The following CTSZ variants were observed in gnomAD, a reference collection of about 807,000 sequenced individuals.
The protein encoded by CTSZ is cathepsin Z.
A neutral mutation model predicts 32.4 loss-of-function variants in CTSZ; 39 were observed. The ratio of observed to expected loss-of-function variants is 1.20; its 90% CI spans 0.93 to 1.57. The LOEUF is 1.57. Ranked by LOEUF, CTSZ falls within the 40% of genes most tolerant of loss-of-function variation. The pLI is 0.00. For missense variants in CTSZ, 397 were observed against 419.6 expected (o/e 0.95, Z 0.47); for synonymous variants, 168 against 170.1 (o/e 0.99, Z 0.10).
At chr20:59,006,097 G>C (rs1358805668) in intron 2 of CTSZ, 1 of 545,380 alleles carries the variant, frequency 1.8e-6, no homozygotes, top group East Asian at 3.0e-5. Flanking sequence ...CTTGTCACTG[G>C]GATTCAGTCC....
chr20:58,995,555 T>C lies in CTSZ; in HGVS notation c.*94A>G, dbSNP rs552511082. 3.4e-4 allele frequency: 399 copies of C among 1,163,902 alleles called. No homozygotes were observed. The highest frequency in any genetic ancestry group is 4.3e-4 in the South Asian group (32 of 75,006). 72.1% of individuals were successfully genotyped at this position (1,163,902 alleles called of 1,614,324 possible). On this transcript the variant is annotated 3_prime_UTR_variant, in exon 6 of 6. Coordinates refer to ENST00000217131, the MANE Select transcript of CTSZ (RefSeq NM_001336.4). Reference sequence around the variant, plus strand: ...ATCCAATATTGATAGCCACCCCAGTTCCTGCCAGCCAGCCTGGCACACATA... The same window carrying C: ...ATCCAATATTGATAGCCACCCCAGTCCCTGCCAGCCAGCCTGGCACACATA...
chr20:59,005,654 G>C (rs1355710211), intron 2 of CTSZ, among the ~76,000 whole-genome samples: 2 of 152,184 alleles, frequency 1.3e-5, no homozygotes. Context: ...GGAAATCCAG[G>C]CTCCTGGACC....
intron 3 of CTSZ, among the ~76,000 whole-genome samples, chr20:59,001,195 G>A (rs953385734): frequency 6.6e-6 from 1 of 152,202 alleles, no homozygotes; most frequent in Non-Finnish European, 1.5e-5. Flanking sequence ...AGGGACTACG[G>A]GGTCCAGTTT....
rs1568684095 is a variant in CTSZ, at chr20:59,004,764, A to G, written c.307+1558T>C. On this transcript the variant is annotated intron_variant, in intron 2 of 5. Transcript: ENST00000217131. This position sits in a 1 kb window ranked among gnomAD's most constrained non-coding sequence, Gnocchi z 5.6. ...TCTGGTGGCTTCTATTCCTCAGTGA[A>G]AGAGGAAGCGAGTGCCTGGGCCTGG... Among the ~76,000 whole-genome samples, 1 of 151,990 alleles carries G rather than the reference A, an allele frequency of 6.6e-6. No individual in the cohort carries two copies. Among genetic ancestry groups the G allele is most frequent in the Non-Finnish European group, 1.5e-5 (1 of 67,986 alleles).
chr20:59,005,578 G>A (rs2091905795), intron 2 of CTSZ, among the ~76,000 whole-genome samples: 1 of 152,220 alleles, frequency 6.6e-6, no homozygotes, highest in South Asian at 2.1e-4. Context: ...CAAGGCCAGG[G>A]AAGAGGCAAC....
intron 3 of CTSZ, 151 bp downstream of exon 3, chr20:59,001,314 C>T (rs2091887960): frequency 6.9e-6 from 6 of 871,282 alleles, no homozygotes; most frequent in Non-Finnish European, 6.9e-6. Context: ...CACCAGCGCC[C>T]CTGGGGGCTG....
At chr20:58,999,792 G>A (rs538435876) in intron 3 of CTSZ, among the ~76,000 whole-genome samples, 93 of 152,328 alleles carry the variant, frequency 6.1e-4, no homozygotes, top group Non-Finnish European at 9.1e-4. Flanking sequence ...AGTTATGGCC[G>A]GGCACGGTGG....
intron 4 of CTSZ, 67 bp downstream of exon 4, chr20:58,997,535 AC>A (rs2091866893): frequency 1.8e-5 from 26 of 1,432,558 alleles, no homozygotes; most frequent in Non-Finnish European, 2.4e-5. Flanking sequence ...CACCCGCGGG[AC>A]CTTTCCTCAC....
chr20:59,003,425 C>T (rs994934210), intron 2 of CTSZ, among the ~76,000 whole-genome samples: 6 of 152,232 alleles, frequency 3.9e-5, no homozygotes, highest in Admixed American at 6.5e-5. Context: ...ACACTGTGGG[C>T]TAACACAAGT....
Position 59,007,001 on chromosome 20 carries a change from G to A in CTSZ, c.128C>T (p.Ala43Val). 2 of 1,468,530 alleles carry A rather than the reference G, an allele frequency of 1.4e-6. No individual in the cohort carries two copies. Among genetic ancestry groups the A allele is most frequent in the Middle Eastern group, 2.4e-4 (1 of 4,164 alleles). 91.0% of individuals were successfully genotyped at this position (1,468,530 alleles called of 1,614,324 possible). The part of the protein sequence containing the change: ...CYRPLRGDGL[A>V]PLGRSTYPRP... ...CGGTGCCCACCTGCGCCCCAGCGGA[G>A]CCAGCCCGTCCCCCCGCAGAGGCCG... Residue 43 changes from alanine (A) to valine (V), a missense_variant, in exon 1 of 6, where the codon GCT becomes GTT. Coordinates refer to ENST00000217131, the MANE Select transcript of CTSZ (RefSeq NM_001336.4).
intron 2 of CTSZ, among the ~76,000 whole-genome samples, chr20:59,005,838 C>T (rs2091906753): frequency 6.6e-6 from 1 of 152,188 alleles, no homozygotes. Context: ...AGCCTCCCTA[C>T]CCTACTCCTG....
rs191353752 is a variant in CTSZ at position 58,997,210 on chromosome 20, C to T, written c.638+393G>A. The stretch of plus-strand genomic sequence containing the variant: ...TCTGGTATGACAACAAAGTGTAAAC[C>T]CGACTCAGGTAGTGTATATCTGACG... On this transcript the variant is annotated intron_variant, in intron 4 of 5. Transcript: ENST00000217131. Among the ~76,000 whole-genome samples the T allele has an allele frequency of 3.3e-5, 5 of 151,872 alleles. No homozygotes were observed. The East Asian group carries it at 7.7e-4, about 23-fold the overall frequency.
chr20:58,995,626 A>C lies in CTSZ; in HGVS notation c.*23T>G. ...CATGGGTCACCATGCCTTTTCTTAAACTGCGCTTCTAGTGACATGGCCTTA... is the reference window on the plus strand; with the variant it reads ...CATGGGTCACCATGCCTTTTCTTAACCTGCGCTTCTAGTGACATGGCCTTA... On this transcript the variant is annotated 3_prime_UTR_variant, in exon 6 of 6. Coordinates refer to ENST00000217131, the MANE Select transcript of CTSZ (RefSeq NM_001336.4). The C allele has an allele frequency of 6.2e-7, 1 of 1,607,752 alleles. No homozygotes were observed. Among genetic ancestry groups the C allele is most frequent in the Non-Finnish European group, 8.5e-7 (1 of 1,174,428 alleles).
At chr20:58,999,768 G>A (rs1389736084) in intron 3 of CTSZ, among the ~76,000 whole-genome samples, 1 of 152,156 alleles carries the variant, frequency 6.6e-6, no homozygotes, top group African/African-American at 2.4e-5. Context: ...TGAGTCAGGT[G>A]GCTTAAAACT....
At chr20:59,001,850 CCTT>C (rs1411510334) in intron 2 of CTSZ, among the ~76,000 whole-genome samples, 1 of 152,230 alleles carries the variant, frequency 6.6e-6, no homozygotes, top group African/African-American at 2.4e-5. Flanking sequence ...CCTCTCCTGG[CCTT>C]CTTTGGGCAC....
At position 58,997,628 on chromosome 20, in the gene CTSZ, CT is replaced by C; in HGVS notation, c.612del (p.Glu205LysfsTer12). On this transcript the variant is annotated frameshift_variant, in exon 4 of 6. Transcript: ENST00000217131. LOFTEE classifies it high-confidence loss of function. ...CTGATGGGACCATTTGCATAGATTT[CT>C]GCCATCATCTTCTCCCTCCCAGAGA... Reference protein sequence around the residue: ...GSLSGREKMMAEIYANGPISC... With the variant: ...GSLSGREKMMXEIYANGPISC... 1.9e-6 allele frequency: 3 copies of C among 1,602,244 alleles called. No homozygotes were observed. Among genetic ancestry groups the C allele is most frequent in the Non-Finnish European group, 1.7e-6 (2 of 1,174,236 alleles).
At position 59,002,904 on chromosome 20, in the gene CTSZ, C is replaced by T. The variant is rs975195217; in HGVS notation, c.308-1260G>A. ...TATGCCCCCTCTAAGCAGATCTGCACACCCCAAACTTGCCTTTCTCACAAC... is the reference window on the plus strand; with the variant it reads ...TATGCCCCCTCTAAGCAGATCTGCATACCCCAAACTTGCCTTTCTCACAAC... On this transcript the variant is annotated intron_variant, in intron 2 of 5. Coordinates refer to ENST00000217131, the MANE Select transcript of CTSZ (RefSeq NM_001336.4). This position sits in a 1 kb window ranked among gnomAD's most constrained non-coding sequence, Gnocchi z 4.1. 1.3e-5 allele frequency among the ~76,000 whole-genome samples: 2 copies of T among 152,138 alleles called. No homozygotes were observed. Among genetic ancestry groups the T allele is most frequent in the African/African-American group, 4.8e-5 (2 of 41,428 alleles).
chr20:58,996,784 G>C lies in CTSZ; in HGVS notation c.656C>G (p.Thr219Arg). ...TCCGGTGTAGTTAGCCAGTCTTTCT[G>C]TTGCCATTATTCCACAGCTGAGAGC... ...NGPISCGIMA[T>R]ERLANYTGGI... is the part of the protein sequence containing the mutation. The change falls in exon 5 of 6, where the codon ACA becomes AGA. Residue 219 changes from threonine (T) to arginine (R), a missense_variant. Transcript: ENST00000217131. 1.2e-6 allele frequency: 2 copies of C among 1,614,090 alleles called. No individual in the cohort carries two copies. The highest frequency in any genetic ancestry group is 2.2e-5 in the South Asian group (2 of 91,050).
chr20:58,998,802 G>A (rs1482018269), intron 3 of CTSZ, among the ~76,000 whole-genome samples: 2 of 152,232 alleles, frequency 1.3e-5, no homozygotes, highest in Non-Finnish European at 2.9e-5. Flanking sequence ...CCACACGGCG[G>A]CCCTCGGCCT....
Sources: gnomAD v4.1 joint callset for allele counts (sites outside exome capture counted in the v4.1 genomes callset) on GRCh38, gnomAD v4.1.1 for gene constraint, Gnocchi (gnomAD v3.1) non-coding constraint, MANE v1.5 for transcripts, NCBI Gene and HGNC (gene_info 2026-07-23, HGNC 2026-07-21) for gene names.